The following IGFBP7 variants were observed in gnomAD, a reference collection of about 807,000 sequenced individuals.
IGFBP7 encodes insulin-like growth factor-binding protein 7.
In IGFBP7, 31 loss-of-function variants were observed where a neutral mutation model predicts 29.4. The observed-to-expected ratio is 1.05, with a 90% CI of 0.79 to 1.42. IGFBP7 has a LOEUF of 1.42. IGFBP7 is among the 40% of genes most tolerant of loss of function. IGFBP7 has a pLI of 0.00. For missense variants in IGFBP7, 393 were observed against 395.5 expected (o/e 0.99, Z 0.05); for synonymous variants, 172 against 174.9 (o/e 0.98, Z 0.13).
chr4:57,061,159 CTG>C lies in IGFBP7; in HGVS notation c.476-20228_476-20227del, dbSNP rs1364855507. Among the ~76,000 whole-genome samples, 8 of 152,148 alleles carry C rather than the reference CTG, an allele frequency of 5.3e-5. No individual in the cohort carries two copies. The East Asian group carries it at 1.2e-3, about 22-fold the overall frequency. On this transcript the variant is annotated intron_variant, in intron 1 of 4. Coordinates refer to ENST00000295666, the MANE Select transcript of IGFBP7 (RefSeq NM_001553.3). ...TCAGTATGTTCAAGATGTGGGAAAA[CTG>C]TGTGTCGTTTGCAGGAAAAATAAAA... is the stretch of plus-strand genomic sequence containing the variant.
chr4:57,088,300 T>C (rs1725546724), intron 1 of IGFBP7, among the ~76,000 whole-genome samples: 1 of 152,186 alleles, frequency 6.6e-6, no homozygotes, highest in South Asian at 2.1e-4. Flanking sequence ...TACAGCACTA[T>C]TGCTGTATCT....
chr4:57,033,239 T>C lies in IGFBP7; in HGVS notation c.658A>G (p.Thr220Ala). The change falls in exon 3 of 5, where the codon ACC (threonine) becomes GCC (alanine). Residue 220 changes from threonine to alanine, a missense_variant. Coordinates refer to ENST00000295666, the MANE Select transcript of IGFBP7 (RefSeq NM_001553.3). ...PGDRDNLAIQ[T>A]RGGPEKHEVT... ...TCATGCTTTTCTGGGCCACCCCGGG[T>C]CTGAATGGCCAGGTTGTCCCGGTCA... 1 of 1,614,090 alleles carries C rather than the reference T, an allele frequency of 6.2e-7. No individual in the cohort carries two copies. Among genetic ancestry groups the C allele is most frequent in the Non-Finnish European group, 8.5e-7 (1 of 1,179,958 alleles).
intron 1 of IGFBP7, among the ~76,000 whole-genome samples, chr4:57,060,902 G>C (rs560298145): frequency 3.4e-4 from 52 of 151,818 alleles, no homozygotes; most frequent in African/African-American, 1.2e-3. Context: ...CTGAGTGACG[G>C]GGCAAAAAAG....
chr4:57,109,973 AGGT>A lies in IGFBP7; in HGVS notation c.376_378del (p.Thr126del), dbSNP rs1468934463. On this transcript the variant is annotated inframe_deletion, in exon 1 of 5. Transcript: ENST00000295666. The stretch of plus-strand genomic sequence containing the variant: ...GCGCGCAGCTGGCAGCCGCTCGGGT[AGGT>A]GGTGCCGTCGCTGCCGCACACCGGG... 2 of 1,547,490 alleles carry A rather than the reference AGGT, an allele frequency of 1.3e-6. No individual in the cohort carries two copies. Among genetic ancestry groups the A allele is most frequent in the African/African-American group, 2.7e-5 (2 of 73,682 alleles).
intron 1 of IGFBP7, among the ~76,000 whole-genome samples, chr4:57,070,151 T>C (rs1725021871): frequency 6.6e-6 from 1 of 152,196 alleles, no homozygotes; most frequent in African/African-American, 2.4e-5. Context: ...CAGCCCTCTG[T>C]AGGTCCTGGG....
intron 1 of IGFBP7, among the ~76,000 whole-genome samples, chr4:57,078,744 G>A (rs1210807455): frequency 6.8e-6 from 1 of 147,762 alleles, no homozygotes; most frequent in African/African-American, 2.6e-5. Flanking sequence ...TTATGCAGAC[G>A]GGGTCCACAG....
At chr4:57,044,391 G>A (rs1245467197) in intron 1 of IGFBP7, among the ~76,000 whole-genome samples, 4 of 152,146 alleles carry the variant, frequency 2.6e-5, no homozygotes, top group Admixed American at 6.5e-5. Context: ...TCTTTTCTGT[G>A]GTTAGTGCTT....
At chr4:57,031,464 G>A (rs923736055) in intron 4 of IGFBP7, 128 bp from the exon 5 acceptor site, 1 of 712,460 alleles carries the variant, frequency 1.4e-6, no homozygotes, top group Non-Finnish European at 2.4e-6. Context: ...GGATATATGA[G>A]TAATTGTATA....
At chr4:57,039,065 CAAAAA>C (rs71208974) in intron 2 of IGFBP7, among the ~76,000 whole-genome samples, 2 of 106,458 alleles carry the variant, frequency 1.9e-5, no homozygotes, top group Non-Finnish European at 3.7e-5. Flanking sequence ...AACTATGTCT[CAAAAA>C]AAAAAAAAAA....
chr4:57,031,463 A>G, intron 4 of IGFBP7, 127 bp from the exon 5 acceptor site: 1 of 716,132 alleles, frequency 1.4e-6, no homozygotes, highest in Non-Finnish European at 2.4e-6. Context: ...AGGATATATG[A>G]GTAATTGTAT....
intron 1 of IGFBP7, among the ~76,000 whole-genome samples, chr4:57,057,971 C>A (rs2109762488): frequency 6.6e-6 from 1 of 152,280 alleles, no homozygotes; most frequent in Admixed American, 6.5e-5. Flanking sequence ...ATACATATGA[C>A]TTTGACCTGT....
At chr4:57,061,801 A>C (rs547487537) in intron 1 of IGFBP7, among the ~76,000 whole-genome samples, 28 of 152,162 alleles carry the variant, frequency 1.8e-4, no homozygotes, top group African/African-American at 6.7e-4. Context: ...TGGGCTTTAC[A>C]CCTCCCAGAT....
Position 57,032,303 on chromosome 4 carries a change from C to T in IGFBP7, c.829+123G>A, listed in dbSNP as rs1723950796. ...ACATTTTAATGGCATACTTAATGCCCTTATGGGTTGCTAACTACAGAATTT... is the reference window on the plus strand; with the variant it reads ...ACATTTTAATGGCATACTTAATGCCTTTATGGGTTGCTAACTACAGAATTT... On this transcript the variant is annotated intron_variant, in intron 4 of 4. Coordinates refer to ENST00000295666, the MANE Select transcript of IGFBP7 (RefSeq NM_001553.3). 2.7e-6 allele frequency: 4 copies of T among 1,480,276 alleles called. No individual in the cohort carries two copies. The South Asian group carries it at 4.2e-5, about 16-fold the overall frequency. 91.7% of individuals were successfully genotyped at this position (1,480,276 alleles called of 1,614,324 possible).
At chr4:57,104,898 G>A (rs1378147678) in intron 1 of IGFBP7, among the ~76,000 whole-genome samples, 1 of 152,212 alleles carries the variant, frequency 6.6e-6, no homozygotes, top group Non-Finnish European at 1.5e-5. Flanking sequence ...AGGCAGGAGA[G>A]GGGCTTTCCT....
intron 1 of IGFBP7, among the ~76,000 whole-genome samples, chr4:57,075,946 G>A (rs534294634): frequency 1.3e-5 from 2 of 152,126 alleles, no homozygotes; most frequent in East Asian, 1.9e-4. Context: ...CAGAACTTTC[G>A]AGAATTCAGG....
rs1471548377 is a variant in IGFBP7 at position 57,030,968 on chromosome 4, C to T, written c.*349G>A. ...GGAACTTATGTCTATGAGTATTGCA[C>T]CGCGAATGATGAGTGTTTAGCTATT... is the stretch of plus-strand genomic sequence containing the variant. On this transcript the variant is annotated 3_prime_UTR_variant, in exon 5 of 5. Transcript: ENST00000295666. 5.7e-6 allele frequency: 9 copies of T among 1,591,652 alleles called. No individual in the cohort carries two copies. Among genetic ancestry groups the T allele is most frequent in the Non-Finnish European group, 7.8e-6 (9 of 1,159,716 alleles).
chr4:57,081,030 C>G (rs1012414828), intron 1 of IGFBP7, among the ~76,000 whole-genome samples: 2 of 152,208 alleles, frequency 1.3e-5, no homozygotes, highest in Non-Finnish European at 2.9e-5. Flanking sequence ...GTCCTTCTCA[C>G]CTTTCCTTTC....
intron 1 of IGFBP7, among the ~76,000 whole-genome samples, chr4:57,095,705 A>G (rs1402160940): frequency 6.6e-6 from 1 of 152,162 alleles, no homozygotes; most frequent in African/African-American, 2.4e-5. Context: ...TGTCAGTCTC[A>G]GAGATTTTGT....
chr4:57,049,654 C>T (rs1724455971), intron 1 of IGFBP7, among the ~76,000 whole-genome samples: 2 of 152,188 alleles, frequency 1.3e-5, no homozygotes. Context: ...CTGTTGGTTT[C>T]GGTAAGTTCC....
Sources: gnomAD v4.1 joint callset for allele counts (sites outside exome capture counted in the v4.1 genomes callset) on GRCh38, gnomAD v4.1.1 for gene constraint, MANE v1.5 for transcripts, NCBI Gene and HGNC (gene_info 2026-07-23, HGNC 2026-07-21) for gene names.